GRIP1: variants seen among roughly 807,000 people sequenced by gnomAD.
The protein encoded by GRIP1 is glutamate receptor-interacting protein 1.
GRIP1 carries 45 observed loss-of-function variants against 129.9 expected under a neutral mutation model. The observed-to-expected ratio is 0.35, with a 90% CI of 0.27 to 0.44. GRIP1 has a LOEUF of 0.44. Ranked by LOEUF, GRIP1 falls within the 20% of genes least tolerant of loss-of-function variation. The pLI is 1.00. For missense variants in GRIP1, 1,196 were observed against 1,396.8 expected (o/e 0.86, Z 2.29); for synonymous variants, 530 against 520.8 (o/e 1.02, Z -0.24).
At chr12:66,377,767 C>T (rs962527001) in intron 20 of GRIP1, among the ~76,000 whole-genome samples, 68 of 151,360 alleles carry the variant, frequency 4.5e-4, no homozygotes, top group African/African-American at 1.6e-3. Context: ...AGCAGAGGGA[C>T]GCTTTAGGAA....
intron 1 of GRIP1, among the ~76,000 whole-genome samples, chr12:66,836,215 T>C (rs141648378): frequency 2.0e-5 from 3 of 152,224 alleles, no homozygotes; most frequent in African/African-American, 7.2e-5. Context: ...TAAGTAAGCC[T>C]TCCTTATGGA....
At chr12:66,387,582 T>G (rs2056409930) in intron 19 of GRIP1, among the ~76,000 whole-genome samples, 1 of 152,176 alleles carries the variant, frequency 6.6e-6, no homozygotes, top group South Asian at 2.1e-4. Context: ...CGATAGCAGA[T>G]GAAGAATACT....
chr12:66,735,891 C>T (rs552148885), intron 1 of GRIP1, among the ~76,000 whole-genome samples: 2 of 152,256 alleles, frequency 1.3e-5, no homozygotes, highest in South Asian at 2.1e-4. Context: ...TATTTACAGG[C>T]ACTCCCTCCA....
intron 15 of GRIP1, among the ~76,000 whole-genome samples, chr12:66,411,315 C>T (rs1437548200): frequency 6.6e-6 from 1 of 152,148 alleles, no homozygotes; most frequent in Non-Finnish European, 1.5e-5. Flanking sequence ...GTAGCCTTTG[C>T]TGTCACAGGA....
At chr12:66,784,330 T>C (rs866071394) in intron 1 of GRIP1, among the ~76,000 whole-genome samples, 10 of 152,316 alleles carry the variant, frequency 6.6e-5, no homozygotes, top group Middle Eastern at 6.8e-3. Flanking sequence ...AATAGTAACA[T>C]TGATTATCTA....
chr12:66,796,093 T>G (rs1181435631), intron 1 of GRIP1, among the ~76,000 whole-genome samples: 1 of 151,812 alleles, frequency 6.6e-6, no homozygotes, highest in Non-Finnish European at 1.5e-5. Context: ...CCACCCCCAC[T>G]TTAGACAATC....
intron 1 of GRIP1, among the ~76,000 whole-genome samples, chr12:66,840,052 G>A (rs1291770394): frequency 3.9e-5 from 6 of 152,124 alleles, no homozygotes; most frequent in African/African-American, 1.4e-4. Flanking sequence ...CTTTGGTCCT[G>A]CACTGCTGTT....
At chr12:66,886,683 A>T (rs1282640525) in intron 1 of GRIP1, among the ~76,000 whole-genome samples, 3 of 152,226 alleles carry the variant, frequency 2.0e-5, no homozygotes, top group Non-Finnish European at 4.4e-5. Context: ...TGGTGACAGT[A>T]CTAAGCAAAA....
intron 7 of GRIP1, among the ~76,000 whole-genome samples, chr12:66,509,226 C>T (rs2060623367): frequency 6.6e-6 from 1 of 152,126 alleles, no homozygotes; most frequent in Non-Finnish European, 1.5e-5. Context: ...TAATAGGAGA[C>T]TTGAGGTTCA....
intron 1 of GRIP1, among the ~76,000 whole-genome samples, chr12:67,003,649 C>T (rs572717877): frequency 3.2e-4 from 49 of 151,984 alleles, no homozygotes; most frequent in African/African-American, 9.2e-4. Context: ...GCCGAGATTG[C>T]GCCATTGCAC....
intron 1 of GRIP1, among the ~76,000 whole-genome samples, chr12:66,741,563 G>T (rs1298015177): frequency 1.3e-5 from 2 of 152,168 alleles, no homozygotes; most frequent in Admixed American, 6.5e-5. Flanking sequence ...TAAATTTTCT[G>T]TAGTCACATG....
At chr12:66,970,031 G>A (rs1379303083) in intron 1 of GRIP1, among the ~76,000 whole-genome samples, 2 of 152,132 alleles carry the variant, frequency 1.3e-5, no homozygotes, top group African/African-American at 2.4e-5. Flanking sequence ...TCACATCTGA[G>A]TCTGGTTCTG....
In GRIP1 at chr12:66,465,441, T is replaced by C. The variant is rs12820901; in HGVS notation, c.725-19A>G. On this transcript the variant is annotated intron_variant, in intron 7 of 24. Coordinates refer to ENST00000359742, the MANE Select transcript of GRIP1 (RefSeq NM_001366722.1). ...ACAGAGTCTGTCAAAGAACAAATTT[T>C]AGAAAACAAAACAAATAAAACAAAT... 361,800 of 1,604,514 alleles carry C rather than the reference T, an allele frequency of 0.23. 44,445 individuals are homozygous for C. Among genetic ancestry groups the C allele is most frequent in the African/African-American group, 0.44 (32,975 of 74,664 alleles).
At chr12:66,551,503 A>G (rs2062130250) in intron 2 of GRIP1, among the ~76,000 whole-genome samples, 1 of 151,766 alleles carries the variant, frequency 6.6e-6, no homozygotes, top group African/African-American at 2.4e-5. Flanking sequence ...TAGCAAATTA[A>G]TGAGCTATTT....
At chr12:66,708,475 A>G (rs1163860442) in intron 1 of GRIP1, among the ~76,000 whole-genome samples, 1 of 151,926 alleles carries the variant, frequency 6.6e-6, no homozygotes, top group Non-Finnish European at 1.5e-5. Context: ...TTCTGTTAGG[A>G]TATTTTCATT....
chr12:66,922,364 C>T (rs1253782811), intron 1 of GRIP1, among the ~76,000 whole-genome samples: 1 of 152,170 alleles, frequency 6.6e-6, no homozygotes, highest in Non-Finnish European at 1.5e-5. Context: ...TCCGTGTTCT[C>T]TGTCATCTTA....
chr12:66,928,473 T>C (rs1193178374), intron 1 of GRIP1, among the ~76,000 whole-genome samples: 2 of 152,218 alleles, frequency 1.3e-5, no homozygotes, highest in Admixed American at 6.5e-5. Context: ...GACCAGGAGT[T>C]TCCTTGAATT....
chr12:66,446,730 A>G (rs997961447), intron 11 of GRIP1, among the ~76,000 whole-genome samples: 1 of 152,074 alleles, frequency 6.6e-6, no homozygotes, highest in African/African-American at 2.4e-5. Flanking sequence ...TATGATGATA[A>G]CCTTCTAGCA....
chr12:66,681,900 A>G (rs113597843), upstream of GRIP1, among the ~76,000 whole-genome samples: 1 of 152,178 alleles, frequency 6.6e-6, no homozygotes, highest in South Asian at 2.1e-4. Context: ...ATACAAGTGT[A>G]CCACGTTTAC....
Sources: gnomAD v4.1 joint callset for allele counts (sites outside exome capture counted in the v4.1 genomes callset) on GRCh38, gnomAD v4.1.1 for gene constraint, MANE v1.5 for transcripts, NCBI Gene and HGNC (gene_info 2026-07-23, HGNC 2026-07-21) for gene names.